The following WRN variants were observed in gnomAD, a reference collection of about 807,000 sequenced individuals.
WRN encodes WRN RecQ like helicase, also known as bifunctional 3'-5' exonuclease/ATP-dependent helicase WRN.
WRN carries 149 observed loss-of-function variants against 180.7 expected under a neutral mutation model. The ratio of observed to expected loss-of-function variants is 0.82; its 90% CI spans 0.72 to 0.94. The LOEUF (loss-of-function observed/expected upper bound fraction) is 0.94. Among genes scored for constraint, WRN ranks in the 40% least tolerant of loss-of-function variants. WRN has a pLI of 0.00. For synonymous variants in WRN, 548 were observed against 568.9 expected (o/e 0.96, Z 0.52); for missense variants, 1,661 against 1,700.1 (o/e 0.98, Z 0.40).
Position 31,157,538 on chromosome 8 carries a change from G to T in WRN, c.3982+8G>T. Reference sequence around the variant, plus strand: ...ACCCTCCCGTCAACTCAGGTGAGAGGCATGGCCTAGCTCTGCACCCTTAAT... The same window carrying T: ...ACCCTCCCGTCAACTCAGGTGAGAGTCATGGCCTAGCTCTGCACCCTTAAT... On this transcript the variant is annotated splice_region_variant and intron_variant, in intron 33 of 34. Transcript: ENST00000298139. 6.2e-7 allele frequency: 1 copy of T among 1,613,902 alleles called. No individual in the cohort carries two copies. The highest frequency in any genetic ancestry group is 8.5e-7 in the Non-Finnish European group (1 of 1,179,964).
chr8:31,168,523 G>C (rs1283148768), intron 34 of WRN, among the ~76,000 whole-genome samples: 1 of 151,694 alleles, frequency 6.6e-6, no homozygotes, highest in East Asian at 1.9e-4. Flanking sequence ...ATTTTGGGGG[G>C]GGTTGGGTGG....
At chr8:31,069,981 G>A (rs897440373) in intron 7 of WRN, among the ~76,000 whole-genome samples, 2 of 152,032 alleles carry the variant, frequency 1.3e-5, no homozygotes, top group Admixed American at 1.3e-4. Flanking sequence ...TAATAACACA[G>A]TACTGGAAGT....
intron 1 of WRN, among the ~76,000 whole-genome samples, chr8:31,054,333 T>C (rs1053462929): frequency 6.6e-6 from 1 of 152,198 alleles, no homozygotes; most frequent in African/African-American, 2.4e-5. Context: ...ATGAGATTAA[T>C]TTTCGTTTCC....
At chr8:31,142,753 TTC>T in intron 27 of WRN, 52 bp downstream of exon 27, 1 of 1,448,452 alleles carries the variant, frequency 6.9e-7, no homozygotes, top group Non-Finnish European at 9.5e-7. Context: ...TTGATTCAAA[TTC>T]TGTTTAAAAT....
chr8:31,150,977 A>G (rs530385637), intron 31 of WRN, among the ~76,000 whole-genome samples: 13 of 152,320 alleles, frequency 8.5e-5, no homozygotes, highest in Admixed American at 1.3e-4. Flanking sequence ...GACCATTTCC[A>G]GAAATGTCAT....
chr8:31,132,657 C>A, intron 24 of WRN, 151 bp downstream of exon 24: 1 of 1,088,024 alleles, frequency 9.2e-7, no homozygotes, highest in Non-Finnish European at 1.3e-6. Context: ...TTAAACACTA[C>A]ATTCATTACT....
chr8:31,078,010 A>G (rs1383485470), intron 8 of WRN, among the ~76,000 whole-genome samples: 1 of 152,192 alleles, frequency 6.6e-6, no homozygotes, highest in Non-Finnish European at 1.5e-5. Context: ...TTGTTTCAGT[A>G]TCTATTAGAT....
At chr8:31,090,571 A>C (rs765665406) in intron 14 of WRN, 39 bp downstream of exon 14, 3 of 1,576,754 alleles carry the variant, frequency 1.9e-6, no homozygotes, top group Non-Finnish European at 2.6e-6. Flanking sequence ...CTTTAAAAAA[A>C]TAAAACATAA....
intron 8 of WRN, among the ~76,000 whole-genome samples, chr8:31,079,796 A>G (rs993789652): frequency 2.0e-5 from 3 of 152,230 alleles, no homozygotes; most frequent in Non-Finnish European, 4.4e-5. Flanking sequence ...TAGATCACAA[A>G]CAATCTTACT....
intron 1 of WRN, among the ~76,000 whole-genome samples, chr8:31,040,594 A>G (rs1811614566): frequency 6.6e-6 from 1 of 152,238 alleles, no homozygotes; most frequent in Non-Finnish European, 1.5e-5. Context: ...TGTGTCACTT[A>G]CTGCCGGTAC....
chr8:31,069,491 A>G (rs1267735262), intron 7 of WRN, among the ~76,000 whole-genome samples: 1 of 152,230 alleles, frequency 6.6e-6, no homozygotes, highest in African/African-American at 2.4e-5. Flanking sequence ...ACAGTTTTAA[A>G]AAAGGAAAAG....
chr8:31,133,571 A>C (rs1445820613), intron 24 of WRN, among the ~76,000 whole-genome samples: 2 of 152,084 alleles, frequency 1.3e-5, no homozygotes, highest in Non-Finnish European at 2.9e-5. Flanking sequence ...GTTGTGAAAT[A>C]TTTTTAATGA....
chr8:31,140,901 G>A (rs1044265327), intron 24 of WRN, among the ~76,000 whole-genome samples: 13 of 152,124 alleles, frequency 8.5e-5, no homozygotes, highest in Admixed American at 7.8e-4. Context: ...GACCACAGGT[G>A]CCCGCCACAA....
intron 23 of WRN, among the ~76,000 whole-genome samples, chr8:31,130,025 CA>C (rs1230671171): frequency 0.028 from 1,660 of 59,970 alleles, 57 homozygotes; most frequent in African/African-American, 0.069. Flanking sequence ...CAAAACAAAA[CA>C]AAAAAAAAAA....
At chr8:31,087,633 C>T (rs1563342815) in intron 11 of WRN, 143 bp from the exon 12 acceptor site, 4 of 761,716 alleles carry the variant, frequency 5.3e-6, no homozygotes, top group Admixed American at 2.2e-5. Context: ...CCGGAGCACA[C>T]ATGTTCTTTT....
At position 31,108,011 on chromosome 8, in the gene WRN, T is replaced by C. The variant is rs556703989; in HGVS notation, c.2089-3604T>C. Among the ~76,000 whole-genome samples the C allele has an allele frequency of 9.3e-4, 141 of 152,338 alleles. 5 individuals are homozygous for C. The South Asian group carries it at 0.029, about 31-fold the overall frequency. On this transcript the variant is annotated intron_variant, in intron 18 of 34. Coordinates refer to ENST00000298139, the MANE Select transcript of WRN (RefSeq NM_000553.6). ...ATGTTATGGAGTACAAAGTTAGAAT[T>C]AGCAACATGACCTGAATTTAGAAGC...
intron 7 of WRN, among the ~76,000 whole-genome samples, chr8:31,073,315 ATATATATTG>A (rs1812978237): frequency 6.6e-6 from 1 of 152,174 alleles, no homozygotes; most frequent in South Asian, 2.1e-4. Flanking sequence ...TATTTGGAAG[ATATATATTG>A]TGAAGGATTT....
At chr8:31,092,753 C>G (rs1402748243) in intron 16 of WRN, among the ~76,000 whole-genome samples, 1 of 152,028 alleles carries the variant, frequency 6.6e-6, no homozygotes, top group African/African-American at 2.4e-5. Flanking sequence ...TGTCCCTCCC[C>G]AGTCTGTCCT....
intron 2 of WRN, among the ~76,000 whole-genome samples, chr8:31,058,759 G>A (rs546709120): frequency 2.0e-5 from 3 of 152,146 alleles, no homozygotes; most frequent in Non-Finnish European, 4.4e-5. Flanking sequence ...TCTCTTTTTC[G>A]GGTTGACTTT....
Sources: gnomAD v4.1 joint callset for allele counts (sites outside exome capture counted in the v4.1 genomes callset) on GRCh38, gnomAD v4.1.1 for gene constraint, MANE v1.5 for transcripts, NCBI Gene and HGNC (gene_info 2026-07-23, HGNC 2026-07-21) for gene names.